RFX8: variants seen among roughly 807,000 people sequenced by gnomAD.
RFX8 encodes DNA-binding protein RFX8.
In RFX8, 46 loss-of-function variants were observed where a neutral mutation model predicts 54.6. That is an observed-to-expected ratio of 0.84 (90% CI 0.67 to 1.08). The LOEUF is 1.08. Ranked by LOEUF, RFX8 falls within the 50% of genes least tolerant of loss-of-function variation. The pLI, the probability that RFX8 is intolerant of heterozygous loss-of-function variation, is 0.00. For synonymous variants in RFX8, 192 were observed against 209.5 expected (o/e 0.92, Z 0.72); for missense variants, 536 against 562.3 (o/e 0.95, Z 0.47).
intron 2 of RFX8, among the ~76,000 whole-genome samples, chr2:101,466,473 G>A (rs1431548390): frequency 6.6e-6 from 1 of 152,206 alleles, no homozygotes; most frequent in African/African-American, 2.4e-5. Flanking sequence ...CTTCTATGCA[G>A]GGAATACCAT....
chr2:101,463,266 C>T (rs1023056580), intron 2 of RFX8, among the ~76,000 whole-genome samples: 5 of 152,158 alleles, frequency 3.3e-5, no homozygotes, highest in Admixed American at 6.5e-5. Context: ...TCCCCCACAA[C>T]GAGGTAGAGA....
intron 2 of RFX8, among the ~76,000 whole-genome samples, chr2:101,427,167 A>T (rs1687222535): frequency 6.6e-6 from 1 of 152,202 alleles, no homozygotes; most frequent in Non-Finnish European, 1.5e-5. Context: ...TATGACAGGC[A>T]GAATCAGGCC....
chr2:101,440,246 C>T (rs1348418095), intron 2 of RFX8, among the ~76,000 whole-genome samples: 3 of 152,306 alleles, frequency 2.0e-5, no homozygotes, highest in East Asian at 3.9e-4. Context: ...AGGCCTGAGA[C>T]TGCTCTCGTA....
At chr2:101,463,307 T>C (rs11884069) in intron 2 of RFX8, among the ~76,000 whole-genome samples, 52,319 of 151,846 alleles carry the variant, frequency 0.34, 9,629 homozygotes, top group African/African-American at 0.44. Context: ...TTTCCAGCTT[T>C]AAGACCACCC....
chr2:101,411,995 G>A (rs993995704), intron 8 of RFX8, among the ~76,000 whole-genome samples: 4 of 152,152 alleles, frequency 2.6e-5, no homozygotes, highest in Admixed American at 2.0e-4. Context: ...GTGGCCCAGG[G>A]TGAATAAGAC....
intron 2 of RFX8, among the ~76,000 whole-genome samples, chr2:101,426,971 G>A (rs545991015): frequency 2.0e-5 from 3 of 152,086 alleles, no homozygotes; most frequent in South Asian, 2.1e-4. Context: ...GCCTAGCATC[G>A]ACAAGCTCTG....
intron 6 of RFX8, among the ~76,000 whole-genome samples, chr2:101,416,722 T>G (rs1467277014): frequency 6.6e-6 from 1 of 152,014 alleles, no homozygotes. Flanking sequence ...GCATGGCAGG[T>G]GCAGGCTGGC....
At chr2:101,414,985 G>T in intron 6 of RFX8, 73 bp from the exon 7 acceptor site, 2 of 1,205,286 alleles carry the variant, frequency 1.7e-6, no homozygotes, top group Non-Finnish European at 2.4e-6. Context: ...GGAAGAGAAG[G>T]TGCATGTTTG....
intron 2 of RFX8, among the ~76,000 whole-genome samples, chr2:101,422,984 A>G (rs1015676492): frequency 6.6e-6 from 1 of 152,166 alleles, no homozygotes; most frequent in Non-Finnish European, 1.5e-5. Flanking sequence ...AGGCCCGGGC[A>G]TGGTGGCTCA....
rs961619855 is a variant in RFX8 at position 101,401,281 on chromosome 2, G to GT, written c.1245+1154dup. Among the ~76,000 whole-genome samples the GT allele has an allele frequency of 3.3e-5, 5 of 151,990 alleles. No individual in the cohort carries two copies. In the South Asian group the frequency reaches 8.3e-4, roughly 25 times the overall value. On this transcript the variant is annotated intron_variant, in intron 11 of 11. Coordinates refer to ENST00000428343, the MANE Select transcript of RFX8 (RefSeq NM_001145664.2). ...CTCCTGTTTTGTTTTGTTTTGTTTT[G>GT]TTTTTTTGGTCTAGGGAGGTGTCTT...
intron 5 of RFX8, 113 bp downstream of exon 5, chr2:101,418,738 C>A: frequency 1.4e-6 from 1 of 714,290 alleles, no homozygotes; most frequent in South Asian, 1.5e-5. Context: ...CCCCACTATT[C>A]ACTCCTCAGA....
intron 2 of RFX8, among the ~76,000 whole-genome samples, chr2:101,432,544 G>A (rs946691125): frequency 1.9e-4 from 29 of 152,340 alleles, no homozygotes; most frequent in Middle Eastern, 6.8e-3. Context: ...TGCAGGGAGC[G>A]TGAGGCCGGA....
chr2:101,474,226 C>G (rs779922871), intron 1 of RFX8: 2 of 624,634 alleles, frequency 3.2e-6, no homozygotes, highest in African/African-American at 3.8e-5. Context: ...GCTGTGCGGG[C>G]CCCGGCTACC....
intron 2 of RFX8, among the ~76,000 whole-genome samples, chr2:101,444,660 A>G (rs1320862591): frequency 6.6e-6 from 1 of 152,248 alleles, no homozygotes; most frequent in African/African-American, 2.4e-5. Context: ...ACCTCAGCAA[A>G]GTCATATAAG....
At chr2:101,447,891 TTAACA>T (rs1688476907) in intron 2 of RFX8, among the ~76,000 whole-genome samples, 4 of 152,334 alleles carry the variant, frequency 2.6e-5, no homozygotes, top group African/African-American at 9.6e-5. Context: ...CTTATTTAAC[TTAACA>T]TAACAACCTC....
intron 9 of RFX8, among the ~76,000 whole-genome samples, chr2:101,407,461 G>A (rs1685804393): frequency 6.6e-6 from 1 of 152,220 alleles, no homozygotes; most frequent in South Asian, 2.1e-4. Context: ...AGAGGCAGAC[G>A]CAGGTGGATC....
intron 2 of RFX8, among the ~76,000 whole-genome samples, chr2:101,431,713 A>C (rs1328762100): frequency 6.6e-6 from 1 of 152,204 alleles, no homozygotes; most frequent in Non-Finnish European, 1.5e-5. Context: ...ATTACGACTG[A>C]GTAATGTTCT....
chr2:101,456,335 T>C (rs1038472405), intron 2 of RFX8, among the ~76,000 whole-genome samples: 2 of 152,222 alleles, frequency 1.3e-5, no homozygotes, highest in African/African-American at 4.8e-5. Flanking sequence ...TTCAGTATGA[T>C]ATTGGCTGTG....
intron 2 of RFX8, among the ~76,000 whole-genome samples, chr2:101,435,492 A>G (rs1413175440): frequency 6.6e-6 from 1 of 152,210 alleles, no homozygotes; most frequent in Admixed American, 6.5e-5. Flanking sequence ...TAAGAGGTAG[A>G]GAATAAAGGT....
Sources: allele counts gnomAD v4.1 joint callset (sites outside exome capture counted in the v4.1 genomes callset), GRCh38; gene constraint gnomAD v4.1.1; transcripts MANE v1.5; gene names NCBI Gene and HGNC (gene_info 2026-07-23, HGNC 2026-07-21).